FBXO15: variants seen among roughly 807,000 people sequenced by gnomAD.
FBXO15 encodes F-box protein 15, also known as F-box only protein 15.
In FBXO15, 30 loss-of-function variants were observed where a neutral mutation model predicts 49.5. That is an observed-to-expected ratio of 0.61 (90% confidence interval 0.45 to 0.82). The LOEUF (loss-of-function observed/expected upper bound fraction) is 0.82, where lower values mean the gene tolerates loss of function less well. FBXO15 is among the 40% of genes least tolerant of loss of function. FBXO15 has a pLI of 0.00. For synonymous variants in FBXO15, 250 were observed against 232.7 expected (o/e 1.07, Z -0.68); for missense variants, 591 against 631.5 (o/e 0.94, Z 0.69).
At chr18:74,117,627 C>T (rs1914286846) in intron 8 of FBXO15, among the ~76,000 whole-genome samples, 1 of 152,158 alleles carries the variant, frequency 6.6e-6, no homozygotes, top group African/African-American at 2.4e-5. Context: ...ACAGACCTGA[C>T]TCTCTACCAC....
At chr18:74,082,834 G>A (rs1402166260) in intron 8 of FBXO15, among the ~76,000 whole-genome samples, 3 of 152,314 alleles carry the variant, frequency 2.0e-5, no homozygotes, top group South Asian at 4.1e-4. Context: ...TCCAGAGATG[G>A]AAGTCTGAAC....
rs1340351609 is a variant in FBXO15 at position 74,135,757 on chromosome 18, C to A, written c.332+5G>T. 3 of 1,594,328 alleles carry A rather than the reference C, an allele frequency of 1.9e-6. No homozygotes were observed. The highest frequency in any genetic ancestry group is 1.2e-5 in the South Asian group (1 of 85,818). ...AACATAACAGAGACTTGGATTTCTG[C>A]TTACTTGTCATTGGCTAGATGATAA... is the stretch of plus-strand genomic sequence containing the variant. On this transcript the variant is annotated splice_donor_5th_base_variant and intron_variant, in intron 3 of 9. Transcript: ENST00000419743.
chr18:74,119,034 T>C (rs375608644), intron 8 of FBXO15, among the ~76,000 whole-genome samples: 53 of 152,270 alleles, frequency 3.5e-4, no homozygotes, highest in Admixed American at 1.0e-3. Flanking sequence ...ACCAGCCTCC[T>C]GGGGCCTCCC....
chr18:74,080,584 TA>T (rs909842902), intron 9 of FBXO15, among the ~76,000 whole-genome samples: 1 of 152,240 alleles, frequency 6.6e-6, no homozygotes, highest in Non-Finnish European at 1.5e-5. Flanking sequence ...GGAGCTCATG[TA>T]AAGGTCCAAT....
intron 8 of FBXO15, chr18:74,097,989 A>G (rs112623959): frequency 4.7e-4 from 71 of 152,552 alleles, no homozygotes; most frequent in Non-Finnish European, 7.8e-4. Context: ...GAGCAGGTAG[A>G]CCTACCAGAT....
chr18:74,129,329 T>C, intron 5 of FBXO15, 76 bp downstream of exon 5: 1 of 1,315,332 alleles, frequency 7.6e-7, no homozygotes, highest in Non-Finnish European at 1.1e-6. Context: ...TCTTATTTTT[T>C]AATTACAAAA....
intron 7 of FBXO15, among the ~76,000 whole-genome samples, chr18:74,123,896 G>A (rs377763821): frequency 5.3e-4 from 80 of 152,024 alleles, no homozygotes; most frequent in African/African-American, 1.9e-3. Context: ...AAACACCCAG[G>A]CAGACCCAAA....
In FBXO15 at chr18:74,073,605, T is replaced by C. The variant is rs1174696217; in HGVS notation, c.1389A>G (p.Thr463=). 1 of 1,614,206 alleles carries C rather than the reference T, an allele frequency of 6.2e-7. No individual in the cohort carries two copies. The highest frequency in any genetic ancestry group is 2.2e-5 in the East Asian group (1 of 44,888). The part of the protein sequence containing the change: ...PSDSSSFLGQ[T]YNVDYVDAEG... Reference sequence around the variant, plus strand: ...CCGCATCAACGTAGTCCACGTTGTATGTCTGTCCCAAGAAGCTAGAGCTGT... The same window carrying C: ...CCGCATCAACGTAGTCCACGTTGTACGTCTGTCCCAAGAAGCTAGAGCTGT... Residue 463 remains threonine (T), a synonymous_variant, in exon 10 of 10, where the codon ACA becomes ACG. Transcript: ENST00000419743.
At chr18:74,086,505 T>C (rs1912744513) in intron 8 of FBXO15, among the ~76,000 whole-genome samples, 2 of 152,206 alleles carry the variant, frequency 1.3e-5, no homozygotes, top group Admixed American at 6.5e-5. Flanking sequence ...CTCAACTCAC[T>C]GCAAGCTCTG....
chr18:74,097,386 TG>T (rs1050049134), intron 8 of FBXO15: 1 of 15,778 alleles, frequency 6.3e-5, no homozygotes, highest in Non-Finnish European at 1.2e-4. Flanking sequence ...TTGGTGCTGT[TG>T]GGGGGTTGGG....
intron 4 of FBXO15, 66 bp from the exon 5 acceptor site, chr18:74,129,680 T>C: frequency 7.8e-7 from 1 of 1,287,174 alleles, no homozygotes; most frequent in Non-Finnish European, 1.1e-6. Context: ...TAAAGGCAAT[T>C]TCATGTATCT....
At chr18:74,137,895 C>T (rs1437149380) in intron 2 of FBXO15, among the ~76,000 whole-genome samples, 2 of 152,166 alleles carry the variant, frequency 1.3e-5, no homozygotes, top group Non-Finnish European at 2.9e-5. Context: ...CGTCCTTGTC[C>T]CTGCTTCATA....
At chr18:74,103,390 A>G (rs951436798) in intron 8 of FBXO15, among the ~76,000 whole-genome samples, 3 of 151,920 alleles carry the variant, frequency 2.0e-5, no homozygotes, top group Non-Finnish European at 4.4e-5. Context: ...TTACCTCAAA[A>G]GGCCAAGTCT....
At chr18:74,099,878 A>G (rs1029201679) in intron 8 of FBXO15, 7 of 152,216 alleles carry the variant, frequency 4.6e-5, no homozygotes, top group African/African-American at 1.4e-4. Flanking sequence ...AGTCCTAAAA[A>G]TATATGCACC....
intron 5 of FBXO15, among the ~76,000 whole-genome samples, chr18:74,128,322 G>A (rs1390731531): frequency 6.8e-6 from 1 of 147,600 alleles, no homozygotes; most frequent in East Asian, 2.0e-4. Flanking sequence ...AAGGTCCCCA[G>A]TTACAGAGCT....
At chr18:74,129,160 T>C (rs1978308674) in intron 5 of FBXO15, among the ~76,000 whole-genome samples, 1 of 152,226 alleles carries the variant, frequency 6.6e-6, no homozygotes, top group African/African-American at 2.4e-5. Context: ...CCAGGAAATT[T>C]TGTTAACTAG....
At chr18:74,133,995 A>C (rs1978557354) in intron 3 of FBXO15, among the ~76,000 whole-genome samples, 1 of 152,234 alleles carries the variant, frequency 6.6e-6, no homozygotes, top group Non-Finnish European at 1.5e-5. Context: ...TCAACTACGT[A>C]AACTACAACA....
At chr18:74,138,399 G>A (rs1046319624) in intron 2 of FBXO15, among the ~76,000 whole-genome samples, 1 of 152,114 alleles carries the variant, frequency 6.6e-6, no homozygotes, top group African/African-American at 2.4e-5. Context: ...CCAGGCCGCA[G>A]GTCACCGACT....
At chr18:74,082,916 T>C (rs1450615127) in intron 8 of FBXO15, among the ~76,000 whole-genome samples, 1 of 152,258 alleles carries the variant, frequency 6.6e-6, no homozygotes, top group African/African-American at 2.4e-5. Context: ...TCTCCAGCCC[T>C]GGCCTGGTTA....
Sources: allele counts gnomAD v4.1 joint callset (sites outside exome capture counted in the v4.1 genomes callset), GRCh38; gene constraint gnomAD v4.1.1; transcripts MANE v1.5; gene names NCBI Gene and HGNC (gene_info 2026-07-23, HGNC 2026-07-21).